IL17RA: variants seen among roughly 807,000 people sequenced by gnomAD.
The protein encoded by IL17RA is interleukin 17 receptor A.
Under a neutral mutation model 50.4 loss-of-function variants are expected in IL17RA, and 34 were observed. The ratio of observed to expected loss-of-function variants is 0.67; its 90% CI spans 0.51 to 0.90. IL17RA has a LOEUF of 0.90. IL17RA is among the 40% of genes least tolerant of loss of function. The pLI is 0.00. For missense variants in IL17RA, 1,276 were observed against 1,169.8 expected, an observed-to-expected ratio of 1.09 and a Z score of -1.32; for synonymous variants, 585 against 510.4, an observed-to-expected ratio of 1.15 and a Z score of -1.97.
rs1402263288 is a variant in IL17RA, at chr22:17,111,440, T to G, written c.*1620T>G. ...GGGTCAGTGAAGATCTGGGCAGACC[T>G]TGTGTGGGGAAGGGGTGCTGCTGTG... On this transcript the variant is annotated 3_prime_UTR_variant, in exon 13 of 13. Transcript: ENST00000319363. 6.6e-6 allele frequency: 1 copy of G among 151,992 alleles called. No homozygotes were observed. The highest frequency in any genetic ancestry group is 1.5e-5 in the Non-Finnish European group (1 of 67,978). 9.4% of individuals were successfully genotyped at this position (151,992 alleles called of 1,614,324 possible).
chr22:17,109,665 G>C lies in IL17RA; in HGVS notation c.2446G>C (p.Glu816Gln), dbSNP rs1404382349. Residue 816 changes from glutamate (E) to glutamine (Q), a missense_variant, in exon 13 of 13, where the codon GAA becomes CAA. Physicochemically the swap from Glu to Gln is conservative, Grantham distance 29 (BLOSUM62 2). Transcript: ENST00000319363. ...ACTCACGGAAATGGAGGAAGAGGAG[G>C]AAGAGGAGCAGGACCCAGGGAAGCC... ...EGLTEMEEEE[E>Q]EEQDPGKPAL... is the part of the protein sequence containing the mutation. 1 of 1,603,678 alleles carries C rather than the reference G, an allele frequency of 6.2e-7. No homozygotes were observed. Among genetic ancestry groups the C allele is most frequent in the Non-Finnish European group, 8.5e-7 (1 of 1,175,978 alleles).
intron 1 of IL17RA, among the ~76,000 whole-genome samples, chr22:17,095,611 C>T (rs561532211): frequency 9.2e-5 from 14 of 152,244 alleles, no homozygotes; most frequent in African/African-American, 3.4e-4. Flanking sequence ...TTTTATCCTC[C>T]ACATCCTAGG....
intron 7 of IL17RA, 121 bp from the exon 8 acceptor site, chr22:17,103,373 T>G (rs1461849494): frequency 1.8e-5 from 14 of 759,580 alleles, no homozygotes; most frequent in Non-Finnish European, 2.6e-5. Context: ...AAAGCATTTC[T>G]CCCCTGGCCT....
rs1360710682 is a variant in IL17RA, at chr22:17,115,036, T to C, written c.*5216T>C. On this transcript the variant is annotated 3_prime_UTR_variant, in exon 13 of 13. Coordinates refer to ENST00000319363, the MANE Select transcript of IL17RA (RefSeq NM_014339.7). Reference sequence around the variant, plus strand: ...TGGCCAGACTCAGGCAAGGCCTAGGTGTGGGCTGGGCATTGCCTACACGTG... The same window carrying C: ...TGGCCAGACTCAGGCAAGGCCTAGGCGTGGGCTGGGCATTGCCTACACGTG... 1 of 152,258 alleles carries C rather than the reference T, an allele frequency of 6.6e-6. No homozygotes were observed. The highest frequency in any genetic ancestry group is 2.4e-5 in the African/African-American group (1 of 41,448). The allele number at this position is 152,258 out of a possible 1,614,324, so 9.4% of individuals were successfully genotyped here.
Position 17,099,965 on chromosome 22 carries a change from A to G in IL17RA, c.424-390A>G, listed in dbSNP as rs930852480. ...GAGGAGGAAGAATCATTTGACAAAT[A>G]GTTTTTACCTGCCTGGCGTGTGCCA... is the stretch of plus-strand genomic sequence containing the variant. On this transcript the variant is annotated intron_variant, in intron 4 of 12. Coordinates refer to ENST00000319363, the MANE Select transcript of IL17RA (RefSeq NM_014339.7). Among the ~76,000 whole-genome samples the G allele has an allele frequency of 3.3e-5, 5 of 152,136 alleles. No homozygotes were observed. The East Asian group carries it at 9.6e-4, about 29-fold the overall frequency.
chr22:17,105,724 G>GGT lies in IL17RA; in HGVS notation c.943+123_943+124insTG, dbSNP rs1555874497. 625 of 1,386,426 alleles carry GGT rather than the reference G, an allele frequency of 4.5e-4. 1 individual carries two copies. The highest frequency in any genetic ancestry group is 8.6e-4 in the Middle Eastern group (4 of 4,668). The allele number at this position is 1,386,426 out of a possible 1,614,324, so 85.9% of individuals were successfully genotyped here. A position where few individuals can be genotyped will look rare whatever the true frequency, so the allele number is the denominator to read the frequency against. Reference sequence around the variant, plus strand: ...TGAACCGAGGCCAGCCCGGGGTGGGGGGTGAGACCATGGTTTGTCGTGGTG... The same window carrying GGT: ...TGAACCGAGGCCAGCCCGGGGTGGGGGTGGTGAGACCATGGTTTGTCGTGGTG... On this transcript the variant is annotated intron_variant, in intron 10 of 12. Transcript: ENST00000319363.
intron 1 of IL17RA, among the ~76,000 whole-genome samples, chr22:17,094,723 G>T (rs1438130135): frequency 1.8e-5 from 1 of 56,820 alleles, no homozygotes; most frequent in Non-Finnish European, 3.2e-5. Flanking sequence ...ATATATTCAG[G>T]GAGATCTTTT....
intron 11 of IL17RA, 39 bp from the exon 12 acceptor site, chr22:17,107,688 C>A (rs201832832): frequency 6.3e-7 from 1 of 1,581,818 alleles, no homozygotes; most frequent in Non-Finnish European, 8.7e-7. Flanking sequence ...TATTTCTCTT[C>A]CCAAAGAACC....
chr22:17,098,481 G>C (rs957740526), intron 3 of IL17RA, among the ~76,000 whole-genome samples: 1 of 152,160 alleles, frequency 6.6e-6, no homozygotes, highest in Admixed American at 6.5e-5. Context: ...GGTGGGGATG[G>C]CTGTGTTTGA....
intron 1 of IL17RA, among the ~76,000 whole-genome samples, chr22:17,085,767 C>T (rs1205825989): frequency 6.6e-6 from 1 of 152,148 alleles, no homozygotes; most frequent in African/African-American, 2.4e-5. Context: ...CCGGGCGAGC[C>T]CACGTCGTCC....
chr22:17,108,499 C>T lies in IL17RA; in HGVS notation c.1280C>T (p.Thr427Ile). 1 of 1,612,878 alleles carries T rather than the reference C, an allele frequency of 6.2e-7. No homozygotes were observed. The highest frequency in any genetic ancestry group is 2.2e-5 in the East Asian group (1 of 44,870). Residue 427 changes from threonine (T) to isoleucine (I), a missense_variant, in exon 13 of 13, where the codon ACC (threonine) becomes ATC (isoleucine). Physicochemically the swap from Thr to Ile is moderately conservative, Grantham distance 89. Coordinates refer to ENST00000319363, the MANE Select transcript of IL17RA (RefSeq NM_014339.7). Reference sequence around the variant, plus strand: ...GCCATCTCGGAGGCAGGAGTCATGACCTGGGTGGGCCGTCAGAAGCAGGAG... The same window carrying T: ...GCCATCTCGGAGGCAGGAGTCATGATCTGGGTGGGCCGTCAGAAGCAGGAG... The part of the protein sequence containing the change: ...EQAISEAGVM[T>I]WVGRQKQEMV...
chr22:17,106,597 G>A (rs927127916), intron 11 of IL17RA, among the ~76,000 whole-genome samples: 4 of 152,330 alleles, frequency 2.6e-5, no homozygotes, highest in East Asian at 1.9e-4. Context: ...GTCCTAAGCC[G>A]GGAGAACACA....
rs981973256 is a variant in IL17RA, at chr22:17,104,770, C to G, written c.891C>G (p.His297Gln). Residue 297 changes from histidine (H) to glutamine (Q), a missense_variant, in exon 9 of 13, where the codon CAC becomes CAG. Transcript: ENST00000319363. ...GCTGCCTCAATGACTGCCTCAGACA[C>G]TCCGCGACTGTTTCCTGCCCAGAAA... Reference protein sequence around the residue: ...FSSCLNDCLRHSATVSCPEMP... With the variant: ...FSSCLNDCLRQSATVSCPEMP... The G allele has an allele frequency of 6.2e-7, 1 of 1,614,060 alleles. No homozygotes were observed. Among genetic ancestry groups the G allele is most frequent in the African/African-American group, 1.3e-5 (1 of 74,928 alleles).
chr22:17,110,610 CT>C lies in IL17RA; in HGVS notation c.*792del, dbSNP rs1181065249. ...TTGGGAAGGCGAGGCAGGTGGATTG[CT>C]TGAGCTCAGGAGTTCAAGACCAGCC... On this transcript the variant is annotated 3_prime_UTR_variant, in exon 13 of 13. Coordinates refer to ENST00000319363, the MANE Select transcript of IL17RA (RefSeq NM_014339.7). 6.6e-6 allele frequency: 1 copy of C among 151,890 alleles called. No individual in the cohort carries two copies. Among genetic ancestry groups the C allele is most frequent in the Non-Finnish European group, 1.5e-5 (1 of 68,388 alleles). The allele number at this position is 151,890 out of a possible 1,614,324, so 9.4% of individuals were successfully genotyped here.
At chr22:17,090,223 G>A (rs761972709) in intron 1 of IL17RA, among the ~76,000 whole-genome samples, 7 of 152,032 alleles carry the variant, frequency 4.6e-5, no homozygotes, top group East Asian at 1.9e-4. Context: ...GGGTTTCACC[G>A]TTGTTGGCCA....
rs538962896 is a variant in IL17RA, at chr22:17,090,087, A to G, written c.138+4858A>G. Among the ~76,000 whole-genome samples the G allele has an allele frequency of 1.9e-4, 29 of 152,188 alleles. 2 individuals carry two copies. In the South Asian group the frequency reaches 6.0e-3, roughly 32 times the overall value. On this transcript the variant is annotated intron_variant, in intron 1 of 12. Transcript: ENST00000319363. ...ACCCAGGCTGGAGTGCAGGGGCGCA[A>G]TCTCTGCTCACTGCAGCTTCTGCCT...
At chr22:17,099,410 C>T (rs1304900968) in intron 4 of IL17RA, among the ~76,000 whole-genome samples, 1 of 152,078 alleles carries the variant, frequency 6.6e-6, no homozygotes, top group Non-Finnish European at 1.5e-5. Context: ...AGCAGTGGGT[C>T]TCAAAGTGTG....
chr22:17,100,229 G>A (rs1380481952), intron 4 of IL17RA, 126 bp from the exon 5 acceptor site: 2 of 1,142,900 alleles, frequency 1.7e-6, no homozygotes, highest in East Asian at 2.4e-5. Context: ...ATTTTGCTGT[G>A]GTTGTTGCTT....
chr22:17,112,611 T>A lies in IL17RA; in HGVS notation c.*2791T>A, dbSNP rs1368595533. 6.6e-6 allele frequency: 1 copy of A among 152,156 alleles called. No individual in the cohort carries two copies. The highest frequency in any genetic ancestry group is 2.4e-5 in the African/African-American group (1 of 41,436). The allele number at this position is 152,156 out of a possible 1,614,324, so 9.4% of individuals were successfully genotyped here. A position where few individuals can be genotyped will look rare whatever the true frequency, so the allele number is the denominator to read the frequency against. On this transcript the variant is annotated 3_prime_UTR_variant, in exon 13 of 13. Transcript: ENST00000319363. ...TTCCCTCCCCATTTCCTGGGCCCAG[T>A]CTCACACTGGTCCTTGCTTACCCTA...
Sources: allele counts gnomAD v4.1 joint callset (sites outside exome capture counted in the v4.1 genomes callset), GRCh38; gene constraint gnomAD v4.1.1; transcripts MANE v1.5; gene names NCBI Gene and HGNC (gene_info 2026-07-23, HGNC 2026-07-21).